Variants in RFTN1 observed in about 807,000 individuals in gnomAD.
The protein encoded by RFTN1 is raftlin.
RFTN1 carries 26 observed loss-of-function variants against 46.5 expected under a neutral mutation model. The observed-to-expected ratio is 0.56, with a 90% confidence interval of 0.41 to 0.78. The LOEUF (loss-of-function observed/expected upper bound fraction) is 0.78. Ranked by LOEUF, RFTN1 falls within the 30% of genes least tolerant of loss-of-function variation. The pLI, the probability that RFTN1 is intolerant of heterozygous loss-of-function variation, is 0.00. For missense variants in RFTN1, 693 were observed against 718.7 expected (o/e 0.96, Z 0.41); for synonymous variants, 261 against 284.2 (o/e 0.92, Z 0.82).
intron 3 of RFTN1, among the ~76,000 whole-genome samples, chr3:16,431,110 A>G (rs956827035): frequency 6.6e-6 from 1 of 152,202 alleles, no homozygotes; most frequent in African/African-American, 2.4e-5. Flanking sequence ...TAGAATACGG[A>G]GGCCGAGAAA....
chr3:16,463,332 C>A (rs1297224866), intron 2 of RFTN1, among the ~76,000 whole-genome samples: 1 of 152,116 alleles, frequency 6.6e-6, no homozygotes, highest in African/African-American at 2.4e-5. Flanking sequence ...TTCACTGTGC[C>A]CCACTTGTCT....
In RFTN1 at chr3:16,498,725, C is replaced by T. The variant is rs1014132329; in HGVS notation, c.-8-4848G>A. Among the ~76,000 whole-genome samples the T allele has an allele frequency of 3.3e-5, 5 of 152,210 alleles. No individual in the cohort carries two copies. The highest frequency in any genetic ancestry group is 7.2e-5 in the African/African-American group (3 of 41,442). ...TGTGTAGAGGCAGCTAGCCTGCTCC[C>T]TGCTGCCACACCGGCATTCCTTTCA... is the stretch of plus-strand genomic sequence containing the variant. On this transcript the variant is annotated intron_variant, in intron 1 of 9. Transcript: ENST00000334133. The surrounding 1 kb of genome is among the most constrained non-coding windows in gnomAD (Gnocchi z 5.2).
Position 16,412,585 on chromosome 3 carries a change from A to G in RFTN1, c.333-3102T>C, listed in dbSNP as rs373200719. 7.2e-5 allele frequency among the ~76,000 whole-genome samples: 11 copies of G among 151,950 alleles called. No homozygotes were observed. The East Asian group carries it at 9.6e-4, about 13-fold the overall frequency. ...AGACCATGGTTGCTGTGGCAAACAC[A>G]CTCTAAGATGACCCCCACAACAATC... On this transcript the variant is annotated intron_variant, in intron 3 of 9. Transcript: ENST00000334133.
intron 4 of RFTN1, among the ~76,000 whole-genome samples, chr3:16,390,786 G>A (rs2074325401): frequency 6.6e-6 from 1 of 152,194 alleles, no homozygotes; most frequent in Non-Finnish European, 1.5e-5. Context: ...AAGTTAGTCA[G>A]AGTAGACACT....
In RFTN1 at chr3:16,400,893, T is replaced by A. The variant is rs2074584324; in HGVS notation, c.441+8482A>T. Among the ~76,000 whole-genome samples the A allele has an allele frequency of 6.6e-6, 1 of 151,962 alleles. No individual in the cohort carries two copies. On this transcript the variant is annotated intron_variant, in intron 4 of 9. Coordinates refer to ENST00000334133, the MANE Select transcript of RFTN1 (RefSeq NM_015150.2). This position sits in a 1 kb window ranked among gnomAD's most constrained non-coding sequence, Gnocchi z 4.5. ...ACATCTAAGCCTGTAACCTTCCTCC[T>A]CCCTCCCCTGCCAGCATCAAAGGAG...
chr3:16,497,324 G>A (rs1282854356), intron 1 of RFTN1, among the ~76,000 whole-genome samples: 1 of 152,132 alleles, frequency 6.6e-6, no homozygotes, highest in Non-Finnish European at 1.5e-5. Flanking sequence ...CTACGTACTG[G>A]GTCTCAATTC....
Position 16,341,587 on chromosome 3 carries a change from G to A in RFTN1, c.1147-14711C>T, listed in dbSNP as rs954235179. On this transcript the variant is annotated intron_variant, in intron 7 of 9. Transcript: ENST00000334133. The surrounding 1 kb of genome is among the most constrained non-coding windows in gnomAD (Gnocchi z 4.7). The stretch of plus-strand genomic sequence containing the variant: ...AACTCTGTAGATTCAGTTCAGTTTT[G>A]CTATGAACCTAAAACTACTCTAAAA... Among the ~76,000 whole-genome samples, 5 of 152,212 alleles carry A rather than the reference G, an allele frequency of 3.3e-5. No individual in the cohort carries two copies. In the South Asian group the frequency reaches 1.0e-3, roughly 32 times the overall value.
chr3:16,401,334 A>G (rs1221809799), intron 4 of RFTN1, among the ~76,000 whole-genome samples: 4 of 152,250 alleles, frequency 2.6e-5, no homozygotes, highest in Non-Finnish European at 5.9e-5. Context: ...AAAAAAAAAA[A>G]AAAAAGACGG....
Position 16,385,283 on chromosome 3 carries a change from C to A in RFTN1, c.442-7181G>T, listed in dbSNP as rs540868542. On this transcript the variant is annotated intron_variant, in intron 4 of 9. Coordinates refer to ENST00000334133, the MANE Select transcript of RFTN1 (RefSeq NM_015150.2). The surrounding 1 kb of genome is among the most constrained non-coding windows in gnomAD (Gnocchi z 5.0). ...TGAAAAGGGAGGCTCAAAAATAACA[C>A]GGGTTTGAGCTCACATCTGAAGCCG... Among the ~76,000 whole-genome samples the A allele has an allele frequency of 1.3e-5, 2 of 152,124 alleles. No homozygotes were observed. Among genetic ancestry groups the A allele is most frequent in the African/African-American group, 4.8e-5 (2 of 41,406 alleles).
At position 16,433,797 on chromosome 3, in the gene RFTN1, T is replaced by C. The variant is rs745382157; in HGVS notation, c.332+54A>G. The C allele has an allele frequency of 4.4e-6, 7 of 1,575,282 alleles. No individual in the cohort carries two copies. The African/African-American group carries it at 9.5e-5, about 21-fold the overall frequency. ...CATCCTCTCACTTCCCCTCCTCTATTGAGCATAACTTAGCCGCAACAGGAT... is the reference window on the plus strand; with the variant it reads ...CATCCTCTCACTTCCCCTCCTCTATCGAGCATAACTTAGCCGCAACAGGAT... On this transcript the variant is annotated intron_variant, in intron 3 of 9. Transcript: ENST00000334133. The surrounding 1 kb of genome is among the most constrained non-coding windows in gnomAD (Gnocchi z 4.4).
chr3:16,430,339 T>C (rs1010718230), intron 3 of RFTN1, among the ~76,000 whole-genome samples: 1 of 152,218 alleles, frequency 6.6e-6, no homozygotes, highest in African/African-American at 2.4e-5. Flanking sequence ...CTGGAACTTC[T>C]GAGCTCAAGA....
At position 16,377,879 on chromosome 3, in the gene RFTN1, T is replaced by G. The variant is rs1186866772; in HGVS notation, c.665A>C (p.Glu222Ala). 4 of 1,614,062 alleles carry G rather than the reference T, an allele frequency of 2.5e-6. No individual in the cohort carries two copies. In the Admixed American group the frequency reaches 6.7e-5, roughly 27 times the overall value. ...CTCCCCTCTGGGGCCTGAGCTGGGC[T>G]CTGGGCTTTGGTTTCTCCCAGCCGG... is the stretch of plus-strand genomic sequence containing the variant. Reference protein sequence around the residue: ...SAPAGRNQSPEPSSGPRGEVP... With the variant: ...SAPAGRNQSPAPSSGPRGEVP... The change falls in exon 5 of 10, where the codon GAG (glutamate) becomes GCG (alanine). Residue 222 changes from glutamate to alanine, a missense_variant. Glu to Ala is a moderately radical substitution (Grantham distance 107). Coordinates refer to ENST00000334133, the MANE Select transcript of RFTN1 (RefSeq NM_015150.2).
At chr3:16,333,958 G>A (rs1442584861) in intron 7 of RFTN1, among the ~76,000 whole-genome samples, 1 of 152,198 alleles carries the variant, frequency 6.6e-6, no homozygotes, top group Non-Finnish European at 1.5e-5. Context: ...GAGGTCAGGA[G>A]ATCGAGACCA....
Position 16,336,660 on chromosome 3 carries a change from A to G in RFTN1, c.1147-9784T>C, listed in dbSNP as rs1002140411. On this transcript the variant is annotated intron_variant, in intron 7 of 9. Coordinates refer to ENST00000334133, the MANE Select transcript of RFTN1 (RefSeq NM_015150.2). The surrounding 1 kb of genome is among the most constrained non-coding windows in gnomAD (Gnocchi z 6.0). ...TAGGCTTTCATAATGTTCAAAGAGAATAATTTTTTTTTTTTAAAAAAGCTT... is the reference window on the plus strand; with the variant it reads ...TAGGCTTTCATAATGTTCAAAGAGAGTAATTTTTTTTTTTTAAAAAAGCTT... Among the ~76,000 whole-genome samples, 1 of 152,182 alleles carries G rather than the reference A, an allele frequency of 6.6e-6. No individual in the cohort carries two copies. Among genetic ancestry groups the G allele is most frequent in the African/African-American group, 2.4e-5 (1 of 41,422 alleles).
In RFTN1 at chr3:16,398,244, C is replaced by CAAAAAAAAAAAA. The variant is rs202032095; in HGVS notation, c.441+11119_441+11130dup. Among the ~76,000 whole-genome samples, 185 of 110,856 alleles carry CAAAAAAAAAAAA rather than the reference C, an allele frequency of 1.7e-3. 6 individuals are homozygous for CAAAAAAAAAAAA. The highest frequency in any genetic ancestry group is 5.6e-3 in the Middle Eastern group (1 of 180). 72.7% of individuals were successfully genotyped at this position (110,856 alleles called of 152,430 possible). Reference sequence around the variant, plus strand: ...CCTGGGTGACAGAGAAAGACTGTCTCAAAAAAAAAAAAAAAAAAAAAAAAA... The same window carrying CAAAAAAAAAAAA: ...CCTGGGTGACAGAGAAAGACTGTCTCAAAAAAAAAAAAAAAAAAAAAAAAAAAAAAAAAAAAA... On this transcript the variant is annotated intron_variant, in intron 4 of 9. Transcript: ENST00000334133.
Position 16,499,644 on chromosome 3 carries a change from T to C in RFTN1, c.-8-5767A>G, listed in dbSNP as rs2076679045. 1.3e-5 allele frequency among the ~76,000 whole-genome samples: 2 copies of C among 152,178 alleles called. No individual in the cohort carries two copies. The highest frequency in any genetic ancestry group is 4.8e-5 in the African/African-American group (2 of 41,434). ...ACTGTTGTTGTTTTAAGCTTCTAAG[T>C]TTTGGAGTGGTTCATTTATACCATA... On this transcript the variant is annotated intron_variant, in intron 1 of 9. Transcript: ENST00000334133. This position sits in a 1 kb window ranked among gnomAD's most constrained non-coding sequence, Gnocchi z 4.9.
At chr3:16,360,258 A>G (rs1297273695) in intron 6 of RFTN1, among the ~76,000 whole-genome samples, 3 of 151,850 alleles carry the variant, frequency 2.0e-5, no homozygotes, top group East Asian at 1.9e-4. Context: ...TGCAGCCTCA[A>G]CCTCCTGGGC....
rs75794664 is a variant in RFTN1, at chr3:16,359,214, T to C, written c.1031-1167A>G. 1.3e-3 allele frequency among the ~76,000 whole-genome samples: 191 copies of C among 152,194 alleles called. 1 individual carries two copies. Among genetic ancestry groups the C allele is most frequent in the African/African-American group, 4.3e-3 (180 of 41,518 alleles). On this transcript the variant is annotated intron_variant, in intron 6 of 9. Transcript: ENST00000334133. The stretch of plus-strand genomic sequence containing the variant: ...GCAAGTGGTTTGAAGCTAGGCTCTA[T>C]CATGAAAGGTGATGTGACTCTTTCA...
In RFTN1 at chr3:16,507,820, TACATAC is replaced by T. The variant is rs1441856872; in HGVS notation, c.-9+5616_-9+5621del. 1.8e-3 allele frequency among the ~76,000 whole-genome samples: 226 copies of T among 123,722 alleles called. No homozygotes were observed. Among genetic ancestry groups the T allele is most frequent in the African/African-American group, 6.3e-3 (207 of 32,654 alleles). The allele number at this position is 123,722 out of a possible 152,430, so 81.2% of individuals were successfully genotyped here. Reference sequence around the variant, plus strand: ...ACACACACAAACGCACATACATACATACATACACACACACACACATACACACATATA... The same window carrying T: ...ACACACACAAACGCACATACATACATACACACACACACATACACACATATA... On this transcript the variant is annotated intron_variant, in intron 1 of 9. Transcript: ENST00000334133. This position sits in a 1 kb window ranked among gnomAD's most constrained non-coding sequence, Gnocchi z 7.1.
Sources: allele counts gnomAD v4.1 joint callset (sites outside exome capture counted in the v4.1 genomes callset), GRCh38; gene constraint gnomAD v4.1.1; non-coding constraint Gnocchi (gnomAD v3.1); transcripts MANE v1.5; gene names NCBI Gene and HGNC (gene_info 2026-07-23, HGNC 2026-07-21).